HMGCLL1: variants seen among roughly 807,000 people sequenced by gnomAD.
HMGCLL1 encodes 3-hydroxy-3-methylglutaryl-CoA lyase like 1, also known as 3-hydroxymethyl-3-methylglutaryl-CoA lyase, cytoplasmic.
HMGCLL1 carries 36 observed loss-of-function variants against 39.1 expected under a neutral mutation model. The observed-to-expected ratio is 0.92, with a 90% confidence interval of 0.71 to 1.22. The LOEUF (loss-of-function observed/expected upper bound fraction) is 1.22. Among genes scored for constraint, HMGCLL1 ranks in the 50% most tolerant of loss-of-function variants. The probability of loss-of-function intolerance (pLI) is 0.00; values close to 1 mark genes in which losing one functional copy is unlikely to be tolerated. For missense variants in HMGCLL1, 451 were observed against 416.5 expected (o/e 1.08, Z -0.72); for synonymous variants, 149 against 144.0 (o/e 1.03, Z -0.25).
intron 6 of HMGCLL1, among the ~76,000 whole-genome samples, chr6:55,496,102 A>T (rs1425092679): frequency 1.3e-5 from 2 of 152,126 alleles, no homozygotes; most frequent in African/African-American, 4.8e-5. Flanking sequence ...CACAAGTTTG[A>T]ACTCTATGGA....
the HMGCLL1 span, among the ~76,000 whole-genome samples, chr6:55,670,128 G>A: frequency 6.6e-6 from 1 of 151,694 alleles, no homozygotes; most frequent in East Asian, 1.9e-4. Flanking sequence ...GACCCTATAG[G>A]AGCAGAAATA....
intron 7 of HMGCLL1, among the ~76,000 whole-genome samples, chr6:55,451,947 T>C (rs1461288328): frequency 2.0e-5 from 3 of 152,202 alleles, no homozygotes; most frequent in Non-Finnish European, 4.4e-5. Flanking sequence ...TTTCACTTTA[T>C]CTCATTCCAT....
the HMGCLL1 span, among the ~76,000 whole-genome samples, chr6:55,653,395 A>G: frequency 6.6e-6 from 1 of 152,064 alleles, no homozygotes; most frequent in African/African-American, 2.4e-5. Flanking sequence ...AACAGGAAAA[A>G]AATTGAAATA....
intron 6 of HMGCLL1, among the ~76,000 whole-genome samples, chr6:55,497,600 A>T (rs1057379220): frequency 6.6e-6 from 1 of 152,148 alleles, no homozygotes; most frequent in African/African-American, 2.4e-5. Flanking sequence ...AATAAATACC[A>T]GCTAAAAATA....
chr6:55,594,271 C>G, the HMGCLL1 span, among the ~76,000 whole-genome samples: 2 of 152,064 alleles, frequency 1.3e-5, no homozygotes, highest in African/African-American at 4.8e-5. Flanking sequence ...CTGGGTTTCC[C>G]CATGTCATCA....
chr6:55,512,314 T>A (rs1277918215), intron 5 of HMGCLL1: 1 of 152,086 alleles, frequency 6.6e-6, no homozygotes, highest in Non-Finnish European at 1.5e-5. Flanking sequence ...TTTAAACACA[T>A]ATTGAAGTAG....
chr6:55,519,114 G>A (rs886979321), intron 3 of HMGCLL1, among the ~76,000 whole-genome samples: 5 of 152,162 alleles, frequency 3.3e-5, no homozygotes, highest in South Asian at 2.1e-4. Context: ...TTAGGTTCAC[G>A]TTAGTATAAA....
At chr6:55,622,606 A>C in the HMGCLL1 span, among the ~76,000 whole-genome samples, 1 of 152,132 alleles carries the variant, frequency 6.6e-6, no homozygotes. Flanking sequence ...CCAGGAATGA[A>C]TCCCATTAAG....
intron 3 of HMGCLL1, among the ~76,000 whole-genome samples, chr6:55,530,703 G>A (rs942635822): frequency 6.6e-6 from 1 of 151,738 alleles, no homozygotes; most frequent in African/African-American, 2.4e-5. Context: ...TGTGATATTC[G>A]GGATACAATA....
intron 7 of HMGCLL1, among the ~76,000 whole-genome samples, chr6:55,459,255 T>C (rs778495341): frequency 2.0e-5 from 3 of 152,126 alleles, no homozygotes; most frequent in Non-Finnish European, 4.4e-5. Context: ...ACTTAGAATC[T>C]AGTAGAAAAG....
intron 1 of HMGCLL1, among the ~76,000 whole-genome samples, chr6:55,578,248 T>C (rs1417503211): frequency 1.3e-5 from 2 of 152,178 alleles, no homozygotes; most frequent in South Asian, 4.1e-4. Flanking sequence ...GAATTTTAGA[T>C]TTTCAAGTTT....
At chr6:55,540,657 C>G (rs1267119419) in intron 3 of HMGCLL1, among the ~76,000 whole-genome samples, 1 of 152,076 alleles carries the variant, frequency 6.6e-6, no homozygotes, top group East Asian at 1.9e-4. Context: ...TAAGTGACTA[C>G]GACAGTAACT....
At chr6:55,464,946 G>A (rs980128517) in intron 7 of HMGCLL1, among the ~76,000 whole-genome samples, 3 of 151,986 alleles carry the variant, frequency 2.0e-5, no homozygotes, top group African/African-American at 4.8e-5. Context: ...CAACTTTCAC[G>A]AACAAGACGG....
At chr6:55,522,178 T>C (rs949223509) in intron 3 of HMGCLL1, among the ~76,000 whole-genome samples, 2 of 151,952 alleles carry the variant, frequency 1.3e-5, no homozygotes, top group African/African-American at 4.8e-5. Flanking sequence ...TATATTTGTA[T>C]GATAAATTAT....
At chr6:55,647,533 G>C in the HMGCLL1 span, among the ~76,000 whole-genome samples, 2 of 149,102 alleles carry the variant, frequency 1.3e-5, no homozygotes, top group Non-Finnish European at 3.0e-5. Context: ...TTAATTTATT[G>C]CTTTTTAGAT....
chr6:55,671,334 C>A, the HMGCLL1 span, among the ~76,000 whole-genome samples: 46 of 151,650 alleles, frequency 3.0e-4, no homozygotes, highest in Admixed American at 2.0e-3. Flanking sequence ...CTTTGGGACC[C>A]AATAGAATCC....
chr6:55,520,240 G>T (rs1767967984), intron 3 of HMGCLL1, among the ~76,000 whole-genome samples: 1 of 103,240 alleles, frequency 9.7e-6, no homozygotes. Context: ...AGATCTTAAA[G>T]TATAATAATA....
At chr6:55,454,149 C>T in intron 7 of HMGCLL1, among the ~76,000 whole-genome samples, 1 of 152,070 alleles carries the variant, frequency 6.6e-6, no homozygotes, top group East Asian at 1.9e-4. Context: ...GTTTAACATT[C>T]TTGTAACTCA....
At chr6:55,597,302 C>T in the HMGCLL1 span, among the ~76,000 whole-genome samples, 4 of 152,004 alleles carry the variant, frequency 2.6e-5, no homozygotes, top group East Asian at 7.7e-4. Context: ...AATGGAATGC[C>T]TCTATGAGAA....
Sources: gnomAD v4.1 joint callset for allele counts (sites outside exome capture counted in the v4.1 genomes callset) on GRCh38, gnomAD v4.1.1 for gene constraint, MANE v1.5 for transcripts, NCBI Gene and HGNC (gene_info 2026-07-23, HGNC 2026-07-21) for gene names.